The following CERS3 variants were observed in gnomAD, a reference collection of about 807,000 sequenced individuals.
The protein encoded by CERS3 is ceramide synthase 3, also known as LAG1 homolog, ceramide synthase 3.
Under a neutral mutation model 50.3 loss-of-function variants are expected in CERS3, and 33 were observed. That is an observed-to-expected ratio of 0.66 (90% CI 0.50 to 0.88). CERS3 has a LOEUF of 0.88. Among genes scored for constraint, CERS3 ranks in the 40% least tolerant of loss-of-function variants. The pLI is 0.00. For synonymous variants in CERS3, 176 were observed against 155.2 expected (o/e 1.13, Z -0.99); for missense variants, 470 against 460.3 (o/e 1.02, Z -0.19).
At chr15:100,538,617 T>G (rs2037128794) in intron 1 of CERS3, among the ~76,000 whole-genome samples, 1 of 152,212 alleles carries the variant, frequency 6.6e-6, no homozygotes, top group Non-Finnish European at 1.5e-5. Flanking sequence ...CACCAAGTCC[T>G]GAGACTGCAC....
At chr15:100,541,471 T>TA (rs201943059) in intron 1 of CERS3, among the ~76,000 whole-genome samples, 4,097 of 146,450 alleles carry the variant, frequency 0.028, 71 homozygotes, top group East Asian at 0.078. Flanking sequence ...GACTCCATCT[T>TA]AAAAAAAAAA....
rs562178951 is a variant in CERS3, at chr15:100,402,841, C to A, written c.1024G>T (p.Asp342Tyr). The change falls in exon 12 of 12, where the codon GAC becomes TAC. Residue 342 changes from aspartate to tyrosine, a missense_variant. Coordinates refer to ENST00000679737, the MANE Select transcript of CERS3 (RefSeq NM_001378789.1). Reference protein sequence around the residue: ...MKSIQDVRSDDEDYEEEEEEE... With the variant: ...MKSIQDVRSDYEDYEEEEEEE... ...TCCTCTTCCTCTTCATAATCCTCGTCATCACTCCTCACATCCTGGATGCTC... is the reference window on the plus strand; with the variant it reads ...TCCTCTTCCTCTTCATAATCCTCGTAATCACTCCTCACATCCTGGATGCTC... The A allele has an allele frequency of 1.9e-6, 3 of 1,607,946 alleles. No homozygotes were observed. In the South Asian group the frequency reaches 3.3e-5, roughly 18 times the overall value.
intron 2 of CERS3, among the ~76,000 whole-genome samples, chr15:100,507,219 TGCTTTAAAAA>T (rs2036211242): frequency 6.6e-6 from 1 of 152,216 alleles, no homozygotes; most frequent in Non-Finnish European, 1.5e-5. Context: ...AAAAACAGTA[TGCTTTAAAAA>T]GCAAAATTGA....
At chr15:100,444,890 T>C (rs1188297058) in intron 11 of CERS3, among the ~76,000 whole-genome samples, 1 of 152,198 alleles carries the variant, frequency 6.6e-6, no homozygotes, top group East Asian at 1.9e-4. Context: ...CCTTCCCACC[T>C]CTATATAGTC....
intron 7 of CERS3, among the ~76,000 whole-genome samples, chr15:100,477,557 A>G (rs1807269075): frequency 6.6e-6 from 1 of 152,214 alleles, no homozygotes; most frequent in South Asian, 2.1e-4. Flanking sequence ...AGAAAAATGC[A>G]CTAGAGCGAA....
intron 11 of CERS3, among the ~76,000 whole-genome samples, chr15:100,449,109 C>A (rs970997628): frequency 6.6e-6 from 1 of 152,216 alleles, no homozygotes; most frequent in Non-Finnish European, 1.5e-5. Context: ...ACTCCCTCCC[C>A]CTACTGCCCA....
At chr15:100,523,969 C>T (rs1014617340) in intron 1 of CERS3, among the ~76,000 whole-genome samples, 2 of 152,148 alleles carry the variant, frequency 1.3e-5, no homozygotes, top group African/African-American at 4.8e-5. Flanking sequence ...AATCAAGACT[C>T]ATTTATTTGT....
intron 11 of CERS3, among the ~76,000 whole-genome samples, chr15:100,405,875 G>A (rs564904984): frequency 6.6e-6 from 1 of 152,334 alleles, no homozygotes; most frequent in South Asian, 2.1e-4. Flanking sequence ...AGCAAATACT[G>A]TGGGTTTCCC....
intron 5 of CERS3, among the ~76,000 whole-genome samples, chr15:100,482,863 T>G: frequency 6.6e-6 from 1 of 152,188 alleles, no homozygotes; most frequent in East Asian, 1.9e-4. Context: ...CTGTAGCACA[T>G]CCCACAGCTG....
intron 11 of CERS3, among the ~76,000 whole-genome samples, chr15:100,406,297 C>G (rs1294081042): frequency 6.6e-6 from 1 of 152,152 alleles, no homozygotes; most frequent in Non-Finnish European, 1.5e-5. Context: ...AAGATGAAGA[C>G]TGTTTCTTCT....
chr15:100,428,989 C>T (rs2032976109), intron 11 of CERS3, among the ~76,000 whole-genome samples: 1 of 152,190 alleles, frequency 6.6e-6, no homozygotes, highest in Non-Finnish European at 1.5e-5. Context: ...GCCTTGCATG[C>T]TCGGGGATTA....
intron 11 of CERS3, among the ~76,000 whole-genome samples, chr15:100,407,462 G>A (rs59297731): frequency 0.017 from 2,552 of 152,336 alleles, 78 homozygotes; most frequent in African/African-American, 0.057. Flanking sequence ...CACATGTCCC[G>A]TCAGGCATGC....
chr15:100,526,737 G>A (rs576947390), intron 1 of CERS3, among the ~76,000 whole-genome samples: 3 of 152,100 alleles, frequency 2.0e-5, no homozygotes, highest in Admixed American at 1.3e-4. Context: ...AGTACCAGTG[G>A]AAAGGCAACT....
intron 10 of CERS3, among the ~76,000 whole-genome samples, chr15:100,457,347 C>T (rs763999711): frequency 5.3e-5 from 8 of 152,198 alleles, no homozygotes; most frequent in African/African-American, 1.4e-4. Context: ...TTGCCACACC[C>T]TCCTCCACAC....
intron 11 of CERS3, among the ~76,000 whole-genome samples, chr15:100,411,815 G>C (rs2031514383): frequency 6.6e-6 from 1 of 152,086 alleles, no homozygotes; most frequent in South Asian, 2.1e-4. Context: ...ATAGCTGTGA[G>C]TGGTATCTCA....
intron 1 of CERS3, among the ~76,000 whole-genome samples, chr15:100,538,205 G>T (rs1392094221): frequency 3.9e-5 from 6 of 152,202 alleles, no homozygotes; most frequent in African/African-American, 1.4e-4. Context: ...TCACAGGCTG[G>T]CATTGAGTGT....
At position 100,469,395 on chromosome 15, in the gene CERS3, G is replaced by C. The variant is rs768271613; in HGVS notation, c.828C>G (p.Leu276=). ...IFSTIFFISR[L]IVFPFWILYC... Reference sequence around the variant, plus strand: ...CTACTCACCAGAAAGGAAAAACAATGAGGCGGCTGATGAAAAATATGGTGG... The same window carrying C: ...CTACTCACCAGAAAGGAAAAACAATCAGGCGGCTGATGAAAAATATGGTGG... The change falls in exon 10 of 12, where the codon CTC becomes CTG. Residue 276 remains leucine, a synonymous_variant. Transcript: ENST00000679737. 6.2e-7 allele frequency: 1 copy of C among 1,613,812 alleles called. No homozygotes were observed. The highest frequency in any genetic ancestry group is 2.2e-5 in the East Asian group (1 of 44,878).
chr15:100,518,297 C>G (rs907650069), intron 2 of CERS3, among the ~76,000 whole-genome samples: 3 of 151,942 alleles, frequency 2.0e-5, no homozygotes, highest in African/African-American at 7.3e-5. Flanking sequence ...GAGAGAGACA[C>G]ACACAGAGAG....
At chr15:100,526,006 G>A (rs897213586) in intron 1 of CERS3, among the ~76,000 whole-genome samples, 3 of 152,162 alleles carry the variant, frequency 2.0e-5, no homozygotes, top group Non-Finnish European at 4.4e-5. Flanking sequence ...GTGTTTCCAG[G>A]AGAAAGAAGA....
Sources: gnomAD v4.1 joint callset for allele counts (sites outside exome capture counted in the v4.1 genomes callset) on GRCh38, gnomAD v4.1.1 for gene constraint, MANE v1.5 for transcripts, NCBI Gene and HGNC (gene_info 2026-07-23, HGNC 2026-07-21) for gene names.